The following ARHGEF10 variants were observed in gnomAD, a reference collection of about 807,000 sequenced individuals.
The protein encoded by ARHGEF10 is Rho guanine nucleotide exchange factor (GEF) 10.
ARHGEF10 carries 140 observed loss-of-function variants against 147.4 expected under a neutral mutation model. That is an observed-to-expected ratio of 0.95 (90% CI 0.83 to 1.09). The LOEUF (loss-of-function observed/expected upper bound fraction) is 1.09, where lower values mean the gene tolerates loss of function less well. Among genes scored for constraint, ARHGEF10 ranks in the 50% least tolerant of loss-of-function variants. The probability of loss-of-function intolerance (pLI) is 0.00; values close to 1 mark genes in which losing one functional copy is unlikely to be tolerated. For missense variants in ARHGEF10, 2,222 were observed against 1,752.7 expected (o/e 1.27, Z -4.78); for synonymous variants, 902 against 695.8 (o/e 1.30, Z -4.67).
rs1803227775 is a variant in ARHGEF10 at position 1,832,643 on chromosome 8, CAGAGACAGAG to C, written c.-48+8541_-48+8550del. Among the ~76,000 whole-genome samples the C allele has an allele frequency of 6.2e-5, 5 of 80,076 alleles. No individual in the cohort carries two copies. In the South Asian group the frequency reaches 2.9e-3, roughly 46 times the overall value. The allele number at this position is 80,076 out of a possible 152,430, so 52.5% of individuals were successfully genotyped here. A position where few individuals can be genotyped will look rare whatever the true frequency, so the allele number is the denominator to read the frequency against. Reference sequence around the variant, plus strand: ...AGGCAGAGAGAGACAGAGGCAGAGGCAGAGACAGAGAGAGACAGAGGCAGAGACAGAGGCA... The same window carrying C: ...AGGCAGAGAGAGACAGAGGCAGAGGCAGAGACAGAGGCAGAGACAGAGGCA... On this transcript the variant is annotated intron_variant, in intron 1 of 28. Transcript: ENST00000349830.
chr8:1,857,813 G>T lies in ARHGEF10; in HGVS notation c.38-147G>T, dbSNP rs1805671576. On this transcript the variant is annotated intron_variant, in intron 2 of 28. Coordinates refer to ENST00000349830, the MANE Select transcript of ARHGEF10 (RefSeq NM_014629.4). ...GATACTTATTTTGCCCCTTAAAAAG[G>T]TTAACTACAAGCGCAGTACAGCACA... 4.2e-6 allele frequency: 3 copies of T among 713,868 alleles called. No individual in the cohort carries two copies. In the African/African-American group the frequency reaches 5.4e-5, roughly 13 times the overall value. 44.2% of individuals were successfully genotyped at this position (713,868 alleles called of 1,614,324 possible). A position where few individuals can be genotyped will look rare whatever the true frequency, so the allele number is the denominator to read the frequency against.
intron 25 of ARHGEF10, among the ~76,000 whole-genome samples, chr8:1,931,211 C>T (rs1813116419): frequency 6.6e-6 from 1 of 152,256 alleles, no homozygotes; most frequent in African/African-American, 2.4e-5. Flanking sequence ...TACCACTCTG[C>T]ACTCAACTCT....
In ARHGEF10 at chr8:1,934,086, A is replaced by T. The variant is rs3758021; in HGVS notation, c.3222+144A>T. On this transcript the variant is annotated intron_variant, in intron 26 of 28. Coordinates refer to ENST00000349830, the MANE Select transcript of ARHGEF10 (RefSeq NM_014629.4). The stretch of plus-strand genomic sequence containing the variant: ...ACAGTGGCTCATGCCTGTAATGCCA[A>T]CACTCTGGGAGGCCAAGGTTGGAGG... 0.26 allele frequency: 288,298 copies of T among 1,101,194 alleles called. 40,793 individuals carry two copies. Among genetic ancestry groups the T allele is most frequent in the East Asian group, 0.49 (19,436 of 39,332 alleles). The allele number at this position is 1,101,194 out of a possible 1,614,324, so 68.2% of individuals were successfully genotyped here.
chr8:1,914,316 C>G (rs35266351), intron 18 of ARHGEF10, among the ~76,000 whole-genome samples: 12,627 of 152,244 alleles, frequency 0.083, 666 homozygotes, highest in African/African-American at 0.15. Flanking sequence ...TGTGGAGGCA[C>G]GGAGGGGTCT....
At chr8:1,848,142 T>G (rs1198559966) in intron 2 of ARHGEF10, among the ~76,000 whole-genome samples, 1 of 152,204 alleles carries the variant, frequency 6.6e-6, no homozygotes, top group Non-Finnish European at 1.5e-5. Context: ...AAAATTGAAG[T>G]GTTCTATGCG....
At chr8:1,951,249 C>T (rs181423005) in intron 27 of ARHGEF10, among the ~76,000 whole-genome samples, 1 of 152,374 alleles carries the variant, frequency 6.6e-6, no homozygotes, top group East Asian at 1.9e-4. Flanking sequence ...GCGGTCAGCA[C>T]TTCGGAGCAG....
chr8:1,841,393 G>C (rs181561698), intron 1 of ARHGEF10, among the ~76,000 whole-genome samples: 1 of 152,204 alleles, frequency 6.6e-6, no homozygotes, highest in African/African-American at 2.4e-5. Flanking sequence ...GCAGAAAGGG[G>C]GTCAGAGAGG....
intron 16 of ARHGEF10, 68 bp from the exon 17 acceptor site, chr8:1,905,503 T>G: frequency 6.2e-7 from 1 of 1,602,246 alleles, no homozygotes. Context: ...CATACCAGAC[T>G]TCTCCTCATC....
chr8:1,899,190 T>C (rs1324400104), intron 15 of ARHGEF10, among the ~76,000 whole-genome samples: 1 of 152,192 alleles, frequency 6.6e-6, no homozygotes, highest in African/African-American at 2.4e-5. Context: ...CAGTGTGTGG[T>C]TGCCCGCTCG....
chr8:1,898,257 G>A (rs1282292097), intron 14 of ARHGEF10, among the ~76,000 whole-genome samples, 176 bp from the exon 15 acceptor site: 1 of 152,202 alleles, frequency 6.6e-6, no homozygotes, highest in African/African-American at 2.4e-5. Context: ...GAAGCCCCTA[G>A]AGCAGGTGCA....
chr8:1,901,443 G>A (rs992938810), intron 15 of ARHGEF10, among the ~76,000 whole-genome samples: 2 of 152,190 alleles, frequency 1.3e-5, no homozygotes, highest in Non-Finnish European at 2.9e-5. Flanking sequence ...GGCTCACCCT[G>A]GCTATGCTGG....
At chr8:1,874,045 C>G (rs908814578) in intron 7 of ARHGEF10, among the ~76,000 whole-genome samples, 7 of 152,192 alleles carry the variant, frequency 4.6e-5, no homozygotes, top group African/African-American at 1.7e-4. Flanking sequence ...GATGGCGCTG[C>G]CTGGTCACTG....
In ARHGEF10 at chr8:1,950,985, G is replaced by A. The variant is rs572334627; in HGVS notation, c.3398-1720G>A. 2.6e-5 allele frequency among the ~76,000 whole-genome samples: 4 copies of A among 152,268 alleles called. No individual in the cohort carries two copies. In the East Asian group the frequency reaches 7.7e-4, roughly 29 times the overall value. On this transcript the variant is annotated intron_variant, in intron 27 of 28. Transcript: ENST00000349830. Reference sequence around the variant, plus strand: ...CCGCAGCCTTGCCCGGCACGCAGGTGGGGCTTCTCCCCTTCCCAGTATCTC... The same window carrying A: ...CCGCAGCCTTGCCCGGCACGCAGGTAGGGCTTCTCCCCTTCCCAGTATCTC...
chr8:1,891,548 G>A (rs1809528275), intron 11 of ARHGEF10, among the ~76,000 whole-genome samples: 1 of 152,178 alleles, frequency 6.6e-6, no homozygotes, highest in African/African-American at 2.4e-5. Flanking sequence ...GGCTGGGCCA[G>A]GCCCAGGCAC....
chr8:1,952,978 T>A, intron 28 of ARHGEF10, 151 bp downstream of exon 28: 1 of 1,157,688 alleles, frequency 8.6e-7, no homozygotes, highest in Non-Finnish European at 1.2e-6. Flanking sequence ...TAATAGACTG[T>A]TTAATTGGAA....
chr8:1,906,730 A>G (rs933477820), intron 17 of ARHGEF10, among the ~76,000 whole-genome samples: 13 of 152,234 alleles, frequency 8.5e-5, no homozygotes, highest in African/African-American at 3.1e-4. Context: ...AGGGTTGATC[A>G]TAAAAATAAT....
intron 7 of ARHGEF10, chr8:1,871,227 A>G (rs1807095919): frequency 1.3e-5 from 2 of 151,970 alleles, no homozygotes; most frequent in African/African-American, 4.8e-5. Flanking sequence ...CAGAATATGT[A>G]TTTTTTTAAA....
intron 1 of ARHGEF10, among the ~76,000 whole-genome samples, chr8:1,834,317 T>A (rs1803449821): frequency 6.6e-6 from 1 of 152,188 alleles, no homozygotes; most frequent in Non-Finnish European, 1.5e-5. Flanking sequence ...CTGTTTTTTC[T>A]TTTCTGGGAG....
In ARHGEF10 at chr8:1,876,603, G is replaced by A. The variant is rs1170588822; in HGVS notation, c.712G>A (p.Asp238Asn). Residue 238 changes from aspartate (D) to asparagine (N), a missense_variant, in exon 8 of 29, where the codon GAT (aspartate) becomes AAT (asparagine). Asp to Asn is a conservative substitution (Grantham distance 23, BLOSUM62 1). Transcript: ENST00000349830. The stretch of plus-strand genomic sequence containing the variant: ...GATTTATGATGATGTTGAGAATGGG[G>A]ATGAAGGTGGAAACAGCTCCTTGGA... Reference protein sequence around the residue: ...EMIYDDVENGDEGGNSSLEYG... With the variant: ...EMIYDDVENGNEGGNSSLEYG... 1.2e-6 allele frequency: 2 copies of A among 1,614,236 alleles called. No homozygotes were observed. The highest frequency in any genetic ancestry group is 1.7e-6 in the Non-Finnish European group (2 of 1,180,034).
Sources: gnomAD v4.1 joint callset for allele counts (sites outside exome capture counted in the v4.1 genomes callset) on GRCh38, gnomAD v4.1.1 for gene constraint, MANE v1.5 for transcripts, NCBI Gene and HGNC (gene_info 2026-07-23, HGNC 2026-07-21) for gene names.